ZMYM4: variants seen among roughly 807,000 people sequenced by gnomAD.
The protein encoded by ZMYM4 is zinc finger MYM-type protein 4.
Under a neutral mutation model 183.2 loss-of-function variants are expected in ZMYM4, and 31 were observed. The ratio of observed to expected loss-of-function variants is 0.17; its 90% CI spans 0.13 to 0.23. The LOEUF (loss-of-function observed/expected upper bound fraction) is 0.23. ZMYM4 is among the 10% of genes least tolerant of loss of function. The pLI is 1.00. For missense variants in ZMYM4, 1,273 were observed against 1,840.3 expected (o/e 0.69, Z 5.64); for synonymous variants, 592 against 631.2 (o/e 0.94, Z 0.93).
chr1:35,394,162 C>CTTTTTTTTTTTTTTTTTTTTTTTTTTTT (rs34277367), intron 18 of ZMYM4, among the ~76,000 whole-genome samples: 2 of 68,394 alleles, frequency 2.9e-5, no homozygotes, highest in South Asian at 5.9e-4. Flanking sequence ...TCAGAGCTTT[C>CTTTTTTTTTTTTTTTTTTTTTTTTTTTT]TTTTTTTTTT....
intron 1 of ZMYM4, among the ~76,000 whole-genome samples, chr1:35,272,867 C>T (rs1639686389): frequency 6.6e-6 from 1 of 152,142 alleles, no homozygotes; most frequent in Admixed American, 6.5e-5. Flanking sequence ...CACCACCATG[C>T]CCGGCTAATT....
At chr1:35,386,393 A>C (rs931243087) in intron 11 of ZMYM4, among the ~76,000 whole-genome samples, 23 of 151,694 alleles carry the variant, frequency 1.5e-4, no homozygotes, top group African/African-American at 5.4e-4. Flanking sequence ...GGCGAAGGGG[A>C]AGCCGGCACG....
intron 1 of ZMYM4, among the ~76,000 whole-genome samples, chr1:35,279,127 AC>A (rs1397170781): frequency 6.6e-6 from 1 of 151,412 alleles, no homozygotes; most frequent in Non-Finnish European, 1.5e-5. Context: ...CCTACCCCCA[AC>A]CCCCACTATG....
chr1:35,369,982 A>T, intron 5 of ZMYM4, 47 bp from the exon 6 acceptor site: 1 of 1,395,874 alleles, frequency 7.2e-7, no homozygotes, highest in Non-Finnish European at 1.0e-6. Context: ...GTCTTTAGGT[A>T]TTTATTCTTT....
rs1339414502 is a variant in ZMYM4, at chr1:35,412,028, C to T, written c.3949-1944C>T. ...CCTCCGAAGTAGCTGGGACTACAGG[C>T]GCCCGCCACCGCGCCCAGCTAATTT... On this transcript the variant is annotated intron_variant, in intron 26 of 29. Transcript: ENST00000314607. Among the ~76,000 whole-genome samples the T allele has an allele frequency of 6.6e-5, 10 of 152,130 alleles. No individual in the cohort carries two copies. The South Asian group carries it at 8.3e-4, about 13-fold the overall frequency.
At chr1:35,319,405 C>T (rs1039028662) in intron 1 of ZMYM4, among the ~76,000 whole-genome samples, 1 of 151,894 alleles carries the variant, frequency 6.6e-6, no homozygotes, top group South Asian at 2.1e-4. Flanking sequence ...GGGAAGATCA[C>T]GAGGCCAGGA....
chr1:35,323,965 A>G (rs1642400544), intron 1 of ZMYM4, among the ~76,000 whole-genome samples: 1 of 151,996 alleles, frequency 6.6e-6, no homozygotes, highest in South Asian at 2.1e-4. Context: ...TTACTTTCCA[A>G]TGTTTACATA....
At chr1:35,381,939 A>G (rs1644466891) in intron 9 of ZMYM4, among the ~76,000 whole-genome samples, 181 bp downstream of exon 9, 1 of 151,854 alleles carries the variant, frequency 6.6e-6, no homozygotes, top group African/African-American at 2.4e-5. Flanking sequence ...GAGGTTGGGA[A>G]TTCGAGACCA....
intron 2 of ZMYM4, among the ~76,000 whole-genome samples, chr1:35,326,155 AT>A (rs1642495117): frequency 1.3e-5 from 2 of 152,174 alleles, no homozygotes; most frequent in South Asian, 4.1e-4. Context: ...AATGAAACCA[AT>A]TTTACCATAA....
intron 9 of ZMYM4, among the ~76,000 whole-genome samples, chr1:35,384,841 C>CTTTTTTTTTTT (rs748891728): frequency 7.8e-6 from 1 of 127,414 alleles, no homozygotes; most frequent in Non-Finnish European, 1.6e-5. Context: ...TTTTCTTTTT[C>CTTTTTTTTTTT]TTTTTTTTTT....
At chr1:35,279,895 A>G (rs1056234018) in intron 1 of ZMYM4, among the ~76,000 whole-genome samples, 4 of 152,198 alleles carry the variant, frequency 2.6e-5, no homozygotes, top group Non-Finnish European at 4.4e-5. Flanking sequence ...AATTCTGTGT[A>G]TGTATTCTCT....
chr1:35,318,173 C>G (rs1642135686), intron 1 of ZMYM4, among the ~76,000 whole-genome samples: 2 of 151,176 alleles, frequency 1.3e-5, no homozygotes, highest in South Asian at 4.2e-4. Flanking sequence ...ATTCTCCTGC[C>G]TCACCCTCCC....
intron 5 of ZMYM4, among the ~76,000 whole-genome samples, chr1:35,363,022 A>G (rs1643979648): frequency 6.6e-6 from 1 of 152,220 alleles, no homozygotes; most frequent in South Asian, 2.1e-4. Flanking sequence ...AATACAAAAA[A>G]TTAGCCAGGC....
At chr1:35,337,178 G>A (rs1643009614) in intron 2 of ZMYM4, among the ~76,000 whole-genome samples, 1 of 152,040 alleles carries the variant, frequency 6.6e-6, no homozygotes, top group Admixed American at 6.6e-5. Context: ...GGCCAACATG[G>A]TGAAACCCCA....
chr1:35,391,996 G>A (rs781046677), intron 15 of ZMYM4, among the ~76,000 whole-genome samples: 4 of 151,892 alleles, frequency 2.6e-5, no homozygotes, highest in South Asian at 2.1e-4. Context: ...AGCTGATATC[G>A]TGCCACTGCA....
chr1:35,352,386 G>GCGCGCGCACACACA (rs1231646476), intron 2 of ZMYM4, among the ~76,000 whole-genome samples: 3 of 128,472 alleles, frequency 2.3e-5, no homozygotes, highest in East Asian at 4.6e-4. Context: ...AAAAATTAGC[G>GCGCGCGCACACACA]CACACACACA....
At position 35,419,593 on chromosome 1, in the gene ZMYM4, A is replaced by G; in HGVS notation, c.4563A>G (p.Leu1521=). ...PIDPGTLDTM[L]TRILMVREVH... Reference sequence around the variant, plus strand: ...ACCCTGGAACCCTGGACACCATGTTAACACGTATTCTCATGGTGAGGGAGG... The same window carrying G: ...ACCCTGGAACCCTGGACACCATGTTGACACGTATTCTCATGGTGAGGGAGG... The change falls in exon 30 of 30, where the codon TTA becomes TTG. Residue 1521 remains leucine (L), a synonymous_variant. Coordinates refer to ENST00000314607, the MANE Select transcript of ZMYM4 (RefSeq NM_005095.3). The G allele has an allele frequency of 6.2e-7, 1 of 1,614,184 alleles. No homozygotes were observed. The highest frequency in any genetic ancestry group is 8.5e-7 in the Non-Finnish European group (1 of 1,180,024).
At position 35,279,473 on chromosome 1, in the gene ZMYM4, T is replaced by C. The variant is rs532004233; in HGVS notation, c.39+10388T>C. On this transcript the variant is annotated intron_variant, in intron 1 of 29. Transcript: ENST00000314607. ...AGTCACACTGCTAGTATCTTCAGCA[T>C]ATGGTTGTCCAGCCACGTGGCCTGC... Among the ~76,000 whole-genome samples the C allele has an allele frequency of 2.3e-4, 35 of 152,308 alleles. No individual in the cohort carries two copies. In the South Asian group the frequency reaches 3.3e-3, roughly 14 times the overall value.
intron 23 of ZMYM4, among the ~76,000 whole-genome samples, 181 bp downstream of exon 23, chr1:35,399,757 C>A (rs1301461758): frequency 6.6e-6 from 1 of 151,984 alleles, no homozygotes. Flanking sequence ...TCAGTAGGAA[C>A]TTTTTTTGTT....
Sources: allele counts gnomAD v4.1 joint callset (sites outside exome capture counted in the v4.1 genomes callset), GRCh38; gene constraint gnomAD v4.1.1; transcripts MANE v1.5; gene names NCBI Gene and HGNC (gene_info 2026-07-23, HGNC 2026-07-21).